The following ZIM2 variants were observed in gnomAD, a reference collection of about 807,000 sequenced individuals.
ZIM2 encodes the protein zinc finger protein 656.
In ZIM2, 14 loss-of-function variants were observed where a neutral mutation model predicts 38.6. The ratio of observed to expected loss-of-function variants is 0.36; its 90% CI spans 0.24 to 0.57. The LOEUF is 0.57. Ranked by LOEUF, ZIM2 falls within the 20% of genes least tolerant of loss-of-function variation. ZIM2 has a pLI of 0.81. For missense variants in ZIM2, 680 were observed against 695.1 expected, an observed-to-expected ratio of 0.98 and a Z score of 0.24; for synonymous variants, 247 against 245.8, an observed-to-expected ratio of 1.00 and a Z score of -0.04.
chr19:56,779,587 T>C (rs2046216475), intron 11 of ZIM2, 115 bp from the exon 12 acceptor site: 6 of 964,000 alleles, frequency 6.2e-6, no homozygotes, highest in Non-Finnish European at 7.9e-6. Context: ...ATGAAGCCTG[T>C]TTCCAGCCTA....
intron 9 of ZIM2, chr19:56,813,861 A>G: frequency 6.2e-7 from 1 of 1,614,220 alleles, no homozygotes; most frequent in Non-Finnish European, 8.5e-7. Context: ...TCATGCTGGC[A>G]TGAGTTTTCA....
At position 56,823,663 on chromosome 19, in the gene ZIM2, G is replaced by C; in HGVS notation, c.33C>G (p.Asp11Glu). The C allele has an allele frequency of 1.2e-6, 2 of 1,614,122 alleles. No homozygotes were observed. Among genetic ancestry groups the C allele is most frequent in the Non-Finnish European group, 1.7e-6 (2 of 1,180,016 alleles). The change falls in exon 5 of 13, where the codon GAC becomes GAG. Residue 11 changes from aspartate to glutamate, a missense_variant. Asp to Glu is a conservative substitution (Grantham distance 45). Transcript: ENST00000629319. ...GGGTCATGTCGTCGTCGCTGGTCAC[G>C]TCACTGTTGTTGTCGTCTAAGAGGA... MYQPEDDNNS[D>E]VTSDDDMTRN...
At chr19:56,776,445 C>T (rs1239817641) in intron 12 of ZIM2, among the ~76,000 whole-genome samples, 1 of 152,142 alleles carries the variant, frequency 6.6e-6, no homozygotes, top group Non-Finnish European at 1.5e-5. Context: ...AGGGAAGGTA[C>T]AGAATGTGGC....
At position 56,836,063 on chromosome 19, in the gene ZIM2, G is replaced by T. The variant is rs778011229; in HGVS notation, c.-272C>A. ...TTTGGACCTAGTCCCTCTTCCTCTC[G>T]CCAGTCGTCTCCAAGAAGGACGGAA... On this transcript the variant is annotated 5_prime_UTR_variant, in exon 2 of 13. Transcript: ENST00000629319. The T allele has an allele frequency of 1.4e-5, 7 of 506,302 alleles. No individual in the cohort carries two copies. Among genetic ancestry groups the T allele is most frequent in the Non-Finnish European group, 2.4e-5 (6 of 253,820 alleles). The allele number at this position is 506,302 out of a possible 1,614,324, so 31.4% of individuals were successfully genotyped here. A position where few individuals can be genotyped will look rare whatever the true frequency, so the allele number is the denominator to read the frequency against.
At chr19:56,818,024 A>G (rs1174866814) in intron 8 of ZIM2, among the ~76,000 whole-genome samples, 186 bp from the exon 9 acceptor site, 2 of 152,126 alleles carry the variant, frequency 1.3e-5, no homozygotes, top group Non-Finnish European at 2.9e-5. Context: ...TCTAATCTAC[A>G]TGTAATTCTT....
At chr19:56,777,297 G>A (rs1161281504) in intron 12 of ZIM2, among the ~76,000 whole-genome samples, 3 of 152,128 alleles carry the variant, frequency 2.0e-5, no homozygotes, top group South Asian at 2.1e-4. Context: ...ACTCAAGAAC[G>A]GAAGAGTAAG....
intron 2 of ZIM2, among the ~76,000 whole-genome samples, chr19:56,830,165 G>A (rs1042201164): frequency 1.3e-5 from 2 of 152,180 alleles, no homozygotes; most frequent in African/African-American, 2.4e-5. Context: ...CAAAGACTCT[G>A]TTACCTTTTT....
In ZIM2 at chr19:56,832,100, T is replaced by A. The variant is rs76906492; in HGVS notation, c.-227+3918A>T. 5.3e-3 allele frequency among the ~76,000 whole-genome samples: 802 copies of A among 152,340 alleles called. 13 individuals carry two copies. Among genetic ancestry groups the A allele is most frequent in the African/African-American group, 0.018 (769 of 41,570 alleles). On this transcript the variant is annotated intron_variant, in intron 2 of 12. Coordinates refer to ENST00000629319, the MANE Select transcript of ZIM2 (RefSeq NM_001387356.1). The stretch of plus-strand genomic sequence containing the variant: ...AGAGGAAATCTATCAGAATAAATGA[T>A]TAATAATAACAAGTCTCTGTTTCTT...
chr19:56,806,101 T>C (rs1259206710), intron 9 of ZIM2, among the ~76,000 whole-genome samples: 1 of 152,150 alleles, frequency 6.6e-6, no homozygotes, highest in Non-Finnish European at 1.5e-5. Flanking sequence ...AGTGTGCAAA[T>C]GACAAAACAA....
At position 56,775,043 on chromosome 19, in the gene ZIM2, T is replaced by C; in HGVS notation, c.1322A>G (p.Asp441Gly). The change falls in exon 13 of 13, where the codon GAC becomes GGC. Residue 441 changes from aspartate to glycine, a missense_variant. By Grantham distance (94) the Asp-to-Gly change is moderately conservative (BLOSUM62 -1). Coordinates refer to ENST00000629319, the MANE Select transcript of ZIM2 (RefSeq NM_001387356.1). Reference protein sequence around the residue: ...CERVRIHSQEDYFECFQCGKA... With the variant: ...CERVRIHSQEGYFECFQCGKA... ...GCCGCACTGAAAACATTCAAAGTAG[T>C]CCTCCTGACTGTGAATTCTTACACG... The C allele has an allele frequency of 6.2e-7, 1 of 1,614,156 alleles. No homozygotes were observed. Among genetic ancestry groups the C allele is most frequent in the Non-Finnish European group, 8.5e-7 (1 of 1,180,014 alleles).
chr19:56,781,832 C>G, intron 11 of ZIM2, 121 bp downstream of exon 11: 2 of 1,274,580 alleles, frequency 1.6e-6, no homozygotes, highest in African/African-American at 1.5e-5. Flanking sequence ...AATATTGCCT[C>G]TGACCTGGGT....
intron 9 of ZIM2, among the ~76,000 whole-genome samples, chr19:56,795,429 G>T (rs1210851125): frequency 1.3e-5 from 2 of 152,198 alleles, no homozygotes; most frequent in Non-Finnish European, 2.9e-5. Context: ...CTACCCGCTC[G>T]CCGGCCGCTA....
At chr19:56,809,821 C>T (rs753654000) in intron 9 of ZIM2, among the ~76,000 whole-genome samples, 53 of 152,134 alleles carry the variant, frequency 3.5e-4, no homozygotes, top group African/African-American at 1.3e-3. Context: ...CTAAGATGTA[C>T]TTGCGGTCAT....
intron 2 of ZIM2, among the ~76,000 whole-genome samples, chr19:56,831,002 C>G (rs1414984075): frequency 6.6e-6 from 1 of 151,932 alleles, no homozygotes; most frequent in Non-Finnish European, 1.5e-5. Context: ...GAAATAAATA[C>G]ATAAAGACAC....
Position 56,775,425 on chromosome 19 carries a change from A to G in ZIM2, c.940T>C (p.Tyr314His). Residue 314 changes from tyrosine (Y) to histidine (H), a missense_variant, in exon 13 of 13, where the codon TAT becomes CAT. Transcript: ENST00000629319. ...CTTCTCTCAAATTCATCACTGCCAT[A>G]GCTTCTTTCCGGAGTGAGGGTCTTG... ...DPKTLTPERS[Y>H]GSDEFERSSN... The G allele has an allele frequency of 6.2e-7, 1 of 1,614,122 alleles. No homozygotes were observed. Among genetic ancestry groups the G allele is most frequent in the Non-Finnish European group, 8.5e-7 (1 of 1,180,032 alleles).
chr19:56,815,068 T>C (rs2059845781), intron 9 of ZIM2: 1 of 1,614,128 alleles, frequency 6.2e-7, no homozygotes, highest in Non-Finnish European at 8.5e-7. Flanking sequence ...GACTTTCTGA[T>C]GGTCTGTGAG....
chr19:56,800,229 GAACT>G (rs2047446373), intron 9 of ZIM2, among the ~76,000 whole-genome samples: 2 of 151,854 alleles, frequency 1.3e-5, no homozygotes, highest in Non-Finnish European at 2.9e-5. Flanking sequence ...AAAAATGAAA[GAACT>G]AAGTACATAT....
chr19:56,822,756 T>C lies in ZIM2; in HGVS notation c.187A>G (p.Ser63Gly). ...AAAGAAAGTGGTTAAGACTCACTGC[T>C]TCTTGGGTTCCTGGTGTGGGACCAG... ...DRWSHTRNPR[S>G]RMPPRDLSLP... The change falls in exon 6 of 13, where the codon AGC (serine) becomes GGC (glycine). Residue 63 changes from serine (S) to glycine (G), a missense_variant. Coordinates refer to ENST00000629319, the MANE Select transcript of ZIM2 (RefSeq NM_001387356.1). The C allele has an allele frequency of 1.9e-6, 3 of 1,614,124 alleles. No individual in the cohort carries two copies. The highest frequency in any genetic ancestry group is 2.5e-6 in the Non-Finnish European group (3 of 1,180,014).
intron 9 of ZIM2, among the ~76,000 whole-genome samples, chr19:56,792,167 T>C (rs959398995): frequency 6.6e-6 from 1 of 151,758 alleles, no homozygotes. Context: ...CAAACCCACA[T>C]AGGCATAAAA....
Sources: allele counts gnomAD v4.1 joint callset (sites outside exome capture counted in the v4.1 genomes callset), GRCh38; gene constraint gnomAD v4.1.1; transcripts MANE v1.5; gene names NCBI Gene and HGNC (gene_info 2026-07-23, HGNC 2026-07-21).